INSR: variants seen among roughly 807,000 people sequenced by gnomAD.
The protein encoded by INSR is insulin receptor, also known as IR.
In INSR, 67 loss-of-function variants were observed where a neutral mutation model predicts 142.6. That is an observed-to-expected ratio of 0.47 (90% CI 0.39 to 0.58). The LOEUF (loss-of-function observed/expected upper bound fraction) is 0.58, where lower values mean the gene tolerates loss of function less well. Among genes scored for constraint, INSR ranks in the 20% least tolerant of loss-of-function variants. The pLI is 0.00. For synonymous variants in INSR, 756 were observed against 743.1 expected (o/e 1.02, Z -0.28); for missense variants, 1,248 against 1,833.2 (o/e 0.68, Z 5.83).
chr19:7,236,209 G>A (rs546090133), intron 2 of INSR, among the ~76,000 whole-genome samples: 29 of 152,000 alleles, frequency 1.9e-4, no homozygotes, highest in Non-Finnish European at 3.2e-4. Context: ...TGATCCACCC[G>A]CCTCAGCCTC....
At position 7,291,894 on chromosome 19, in the gene INSR, G is replaced by A. The variant is rs181796120; in HGVS notation, c.100+1898C>T. ...TGCAAGCTCCGCCTCCCGGGTTTAC[G>A]CCATTCTCCTGCCTCAGCCTCCGGA... On this transcript the variant is annotated intron_variant, in intron 1 of 21. Transcript: ENST00000302850. Among the ~76,000 whole-genome samples, 347 of 152,164 alleles carry A rather than the reference G, an allele frequency of 2.3e-3. 1 individual carries two copies. The highest frequency in any genetic ancestry group is 8.1e-3 in the African/African-American group (336 of 41,536).
At chr19:7,237,832 A>AAAATTAAATT (rs56653623) in intron 2 of INSR, among the ~76,000 whole-genome samples, 2 of 146,700 alleles carry the variant, frequency 1.4e-5, no homozygotes, top group African/African-American at 5.2e-5. Context: ...ATAAATAAAT[A>AAAATTAAATT]AAATTAAATT....
chr19:7,158,417 C>T (rs574077698), intron 9 of INSR, among the ~76,000 whole-genome samples: 2 of 152,114 alleles, frequency 1.3e-5, no homozygotes, highest in East Asian at 1.9e-4. Context: ...AGGAGAATGG[C>T]GTGAACCCGG....
At chr19:7,137,630 A>C (rs911952762) in intron 13 of INSR, among the ~76,000 whole-genome samples, 1 of 151,874 alleles carries the variant, frequency 6.6e-6, no homozygotes, top group Admixed American at 6.6e-5. Context: ...TCCATTAAAA[A>C]TACAAATATT....
chr19:7,128,294 C>A (rs1353321986), intron 15 of INSR, among the ~76,000 whole-genome samples: 1 of 151,816 alleles, frequency 6.6e-6, no homozygotes, highest in Non-Finnish European at 1.5e-5. Context: ...CTCACTGCAA[C>A]CTCCGCCACC....
At chr19:7,153,440 A>G (rs979943981) in intron 9 of INSR, among the ~76,000 whole-genome samples, 7 of 118,518 alleles carry the variant, frequency 5.9e-5, no homozygotes, top group Non-Finnish European at 9.0e-5. Context: ...CACAAATCAC[A>G]CACACCACCA....
rs1475511378 is a variant in INSR at position 7,115,690 on chromosome 19, G to A, written c.*1366C>T. 6.6e-6 allele frequency: 1 copy of A among 152,246 alleles called. No individual in the cohort carries two copies. The highest frequency in any genetic ancestry group is 1.9e-4 in the East Asian group (1 of 5,198). 9.4% of individuals were successfully genotyped at this position (152,246 alleles called of 1,614,324 possible). A position where few individuals can be genotyped will look rare whatever the true frequency, so the allele number is the denominator to read the frequency against. On this transcript the variant is annotated 3_prime_UTR_variant, in exon 22 of 22. Transcript: ENST00000302850. ...AAACGCCACAAGAGGTACACACAGA[G>A]AATCAGAGGATGAACACAGGTGTTC... is the stretch of plus-strand genomic sequence containing the variant.
rs558596046 is a variant in INSR at position 7,166,989 on chromosome 19, G to C, written c.1611-585C>G. Among the ~76,000 whole-genome samples the C allele has an allele frequency of 3.3e-5, 5 of 152,116 alleles. No homozygotes were observed. In the South Asian group the frequency reaches 1.0e-3, roughly 32 times the overall value. ...AGTGTTTTGGATTTTGGATATTTTG[G>C]GGTTTTGAAATATTTGCATTTTACT... On this transcript the variant is annotated intron_variant, in intron 7 of 21. Coordinates refer to ENST00000302850, the MANE Select transcript of INSR (RefSeq NM_000208.4). The surrounding 1 kb of genome is among the most constrained non-coding windows in gnomAD (Gnocchi z 4.1).
In INSR at chr19:7,115,327, GC is replaced by G. The variant is rs1181111561; in HGVS notation, c.*1728del. On this transcript the variant is annotated 3_prime_UTR_variant, in exon 22 of 22. Transcript: ENST00000302850. ...CAAAGAGAAGAAACGGTGGATTCAC[GC>G]CCATTCGGAAGTTCTTGGTGGTGTG... 1 of 152,132 alleles carries G rather than the reference GC, an allele frequency of 6.6e-6. No homozygotes were observed. The highest frequency in any genetic ancestry group is 2.4e-5 in the African/African-American group (1 of 41,438). The allele number at this position is 152,132 out of a possible 1,614,324, so 9.4% of individuals were successfully genotyped here.
At chr19:7,180,897 AC>A (rs535669493) in intron 3 of INSR, among the ~76,000 whole-genome samples, 24 of 152,194 alleles carry the variant, frequency 1.6e-4, no homozygotes, top group South Asian at 4.1e-4. Flanking sequence ...TTGGGAAGCC[AC>A]CGGAGGGTTT....
intron 2 of INSR, among the ~76,000 whole-genome samples, chr19:7,262,396 CG>C (rs1977091492): frequency 6.6e-6 from 1 of 152,096 alleles, no homozygotes; most frequent in African/African-American, 2.4e-5. Context: ...CGCTTGAACC[CG>C]GGAGGCAGAG....
intron 3 of INSR, among the ~76,000 whole-genome samples, chr19:7,175,952 G>A (rs904889761): frequency 4.6e-5 from 7 of 152,078 alleles, no homozygotes; most frequent in African/African-American, 1.7e-4. Context: ...CCCTATGGTT[G>A]CAGGTCCTCT....
In INSR at chr19:7,178,249, G is replaced by GT. The variant is rs1014906259; in HGVS notation, c.975-3519_975-3518insA. Among the ~76,000 whole-genome samples, 5 of 134,058 alleles carry GT rather than the reference G, an allele frequency of 3.7e-5. No homozygotes were observed. In the East Asian group the frequency reaches 1.3e-3, roughly 35 times the overall value. The allele number at this position is 134,058 out of a possible 152,430, so 87.9% of individuals were successfully genotyped here. ...GGAATGTCGGGGTGACTTGTGGGGG[G>GT]GGGGGTGCCTAGATAACATGAGGGT... On this transcript the variant is annotated intron_variant, in intron 3 of 21. Coordinates refer to ENST00000302850, the MANE Select transcript of INSR (RefSeq NM_000208.4).
In INSR at chr19:7,267,014, G is replaced by A. The variant is rs1967754233; in HGVS notation, c.652+331C>T. ...GGCGGTGGCAAACTGCTGCCCTCGA[G>A]CAAAATCCGGCCCACGACTTGTTTT... On this transcript the variant is annotated intron_variant, in intron 2 of 21. Coordinates refer to ENST00000302850, the MANE Select transcript of INSR (RefSeq NM_000208.4). The surrounding 1 kb of genome is among the most constrained non-coding windows in gnomAD (Gnocchi z 6.3). Among the ~76,000 whole-genome samples, 1 of 152,032 alleles carries A rather than the reference G, an allele frequency of 6.6e-6. No homozygotes were observed. Among genetic ancestry groups the A allele is most frequent in the African/African-American group, 2.4e-5 (1 of 41,398 alleles).
intron 1 of INSR, among the ~76,000 whole-genome samples, chr19:7,284,724 T>G (rs1968300573): frequency 6.6e-6 from 1 of 152,070 alleles, no homozygotes; most frequent in African/African-American, 2.4e-5. Flanking sequence ...GAGACAGGGT[T>G]TCACCATGTT....
rs78506612 is a variant in INSR at position 7,192,470 on chromosome 19, T to C, written c.653-7833A>G. On this transcript the variant is annotated intron_variant, in intron 2 of 21. Coordinates refer to ENST00000302850, the MANE Select transcript of INSR (RefSeq NM_000208.4). This position sits in a 1 kb window ranked among gnomAD's most constrained non-coding sequence, Gnocchi z 4.2. ...AGCCCCAGTGGAGGACGGGGTTGACTTTCCTCTCCCTGTGCCCCTGACCTG... is the reference window on the plus strand; with the variant it reads ...AGCCCCAGTGGAGGACGGGGTTGACCTTCCTCTCCCTGTGCCCCTGACCTG... 0.043 allele frequency among the ~76,000 whole-genome samples: 6,550 copies of C among 152,050 alleles called. 474 individuals carry two copies. The highest frequency in any genetic ancestry group is 0.15 in the African/African-American group (6,239 of 41,420).
intron 2 of INSR, among the ~76,000 whole-genome samples, chr19:7,266,383 CTTT>C (rs746892721): frequency 7.3e-5 from 9 of 123,260 alleles, no homozygotes; most frequent in Admixed American, 8.2e-5. Context: ...TAGAAATTAT[CTTT>C]TTTTTTTTTT....
chr19:7,208,821 T>TG (rs67522982), intron 2 of INSR, among the ~76,000 whole-genome samples: 151,647 of 152,142 alleles, frequency 1, 75,585 homozygotes, highest in Middle Eastern at 1. Context: ...CTGGCCAACA[T>TG]GCGAAACCCC....
chr19:7,268,930 G>A (rs187724107), intron 1 of INSR, among the ~76,000 whole-genome samples: 2 of 151,670 alleles, frequency 1.3e-5, no homozygotes, highest in Admixed American at 6.6e-5. Context: ...TCCTTTCCTT[G>A]GCACACCTAT....
Sources: gnomAD v4.1 joint callset for allele counts (sites outside exome capture counted in the v4.1 genomes callset) on GRCh38, gnomAD v4.1.1 for gene constraint, Gnocchi (gnomAD v3.1) non-coding constraint, MANE v1.5 for transcripts, NCBI Gene and HGNC (gene_info 2026-07-23, HGNC 2026-07-21) for gene names.